The following TMEM260 variants were observed in gnomAD, a reference collection of about 807,000 sequenced individuals.
TMEM260 encodes transmembrane protein 260, also known as protein O-mannosyl-transferase TMEM260.
In TMEM260, 82 loss-of-function variants were observed where a neutral mutation model predicts 88.9. That is an observed-to-expected ratio of 0.92 (90% confidence interval 0.77 to 1.11). The LOEUF (loss-of-function observed/expected upper bound fraction) is 1.11. Ranked by LOEUF, TMEM260 falls within the 50% of genes least tolerant of loss-of-function variation. The pLI is 0.00. For synonymous variants in TMEM260, 314 were observed against 309.3 expected, an observed-to-expected ratio of 1.02 and a Z score of -0.16; for missense variants, 902 against 853.4, an observed-to-expected ratio of 1.06 and a Z score of -0.71.
In TMEM260 at chr14:56,617,269, A is replaced by T. The variant is rs774096305; in HGVS notation, c.1028A>T (p.Asp343Val). 2.5e-6 allele frequency: 4 copies of T among 1,600,246 alleles called. No individual in the cohort carries two copies. The highest frequency in any genetic ancestry group is 3.4e-6 in the Non-Finnish European group (4 of 1,174,854). ...SLFFAWRANL[D>V]ISKPLFMGVV... ...TTCTTTGCTTGGAGAGCAAATTTAGATATTTCAAAACCACTTTTCATGGGT... is the reference window on the plus strand; with the variant it reads ...TTCTTTGCTTGGAGAGCAAATTTAGTTATTTCAAAACCACTTTTCATGGGT... The change falls in exon 9 of 16, where the codon GAT becomes GTT. Residue 343 changes from aspartate to valine, a missense_variant. Transcript: ENST00000261556.
intron 3 of TMEM260, among the ~76,000 whole-genome samples, chr14:56,600,911 CAGT>C (rs1164301516): frequency 6.6e-6 from 1 of 152,166 alleles, no homozygotes; most frequent in African/African-American, 2.4e-5. Context: ...CTATTTTACT[CAGT>C]GGTTTCACAA....
rs369040020 is a variant in TMEM260 at position 56,585,047 on chromosome 14, T to C, written c.192+15T>C. 5.3e-5 allele frequency: 86 copies of C among 1,609,476 alleles called. 1 individual carries two copies. The highest frequency in any genetic ancestry group is 6.7e-5 in the Non-Finnish European group (79 of 1,177,396). On this transcript the variant is annotated intron_variant, in intron 2 of 15. Transcript: ENST00000261556. ...ATGAGCTTGGAGTAAGTATTAGTTT[T>C]ATTGTTTAATCAATGCTCTCATTAA...
At chr14:56,585,065 C>T (rs1037508406) in intron 2 of TMEM260, 33 bp downstream of exon 2, 4 of 1,595,996 alleles carry the variant, frequency 2.5e-6, no homozygotes, top group Non-Finnish European at 3.4e-6. Context: ...AATCAATGCT[C>T]TCATTAACAG....
chr14:56,658,808 G>A, the TMEM260 span, among the ~76,000 whole-genome samples: 94 of 150,348 alleles, frequency 6.3e-4, no homozygotes, highest in African/African-American at 2.3e-3. Context: ...TCAGCTCACC[G>A]CAACCTCCGC....
chr14:56,621,161 G>GCAA (rs144503688), intron 10 of TMEM260, among the ~76,000 whole-genome samples: 10,338 of 152,162 alleles, frequency 0.068, 426 homozygotes, highest in East Asian at 0.16. Context: ...AAGTTCCTTT[G>GCAA]AGTAAATGGA....
At chr14:56,658,971 C>T in the TMEM260 span, among the ~76,000 whole-genome samples, 13 of 152,296 alleles carry the variant, frequency 8.5e-5, no homozygotes, top group South Asian at 2.3e-3. Context: ...CTCAGTTGAT[C>T]CGCCCACCTC....
intron 6 of TMEM260, among the ~76,000 whole-genome samples, chr14:56,609,801 A>G (rs530980644): frequency 6.6e-6 from 1 of 152,332 alleles, no homozygotes; most frequent in South Asian, 2.1e-4. Flanking sequence ...GTGTGCTCCA[A>G]AGAAGTTCAA....
chr14:56,612,143 G>A, intron 6 of TMEM260, 102 bp from the exon 7 acceptor site: 1 of 1,169,070 alleles, frequency 8.6e-7, no homozygotes, highest in East Asian at 2.3e-5. Flanking sequence ...TTAAAAAATT[G>A]TTTTAAGAAA....
chr14:56,600,357 A>G (rs1467341808), intron 3 of TMEM260, among the ~76,000 whole-genome samples: 5 of 152,300 alleles, frequency 3.3e-5, no homozygotes, highest in Non-Finnish European at 2.9e-5. Flanking sequence ...AATGAGAAGT[A>G]TAATAAAGAG....
intron 12 of TMEM260, among the ~76,000 whole-genome samples, chr14:56,627,398 A>T (rs1484645606): frequency 3.3e-5 from 5 of 152,180 alleles, no homozygotes; most frequent in Non-Finnish European, 7.4e-5. Flanking sequence ...TACTATCATA[A>T]AACAATTTCC....
At chr14:56,625,265 T>TTA (rs1269163387) in intron 11 of TMEM260, 117 bp from the exon 12 acceptor site, 103 of 943,290 alleles carry the variant, frequency 1.1e-4, no homozygotes, top group Admixed American at 1.3e-4. Context: ...TATTTTTCAA[T>TTA]TATATATATA....
intron 12 of TMEM260, among the ~76,000 whole-genome samples, chr14:56,626,432 A>G (rs1015546514): frequency 5.3e-5 from 8 of 152,178 alleles, no homozygotes; most frequent in East Asian, 1.9e-4. Flanking sequence ...CTGAATGTCT[A>G]CTATGTTACA....
intron 15 of TMEM260, among the ~76,000 whole-genome samples, chr14:56,645,424 A>G (rs934178642): frequency 1.3e-5 from 2 of 151,970 alleles, no homozygotes; most frequent in African/African-American, 4.8e-5. Context: ...GTTCTCACTC[A>G]TAAGTGGGAA....
rs374818247 is a variant in TMEM260, at chr14:56,602,917, T to G, written c.345-898T>G. On this transcript the variant is annotated intron_variant, in intron 3 of 15. Coordinates refer to ENST00000261556, the MANE Select transcript of TMEM260 (RefSeq NM_017799.4). The stretch of plus-strand genomic sequence containing the variant: ...GTTTGGAGCTATAGAATATGATAAT[T>G]GTTGGACGCAGTAATGCTTGCTGAA... Among the ~76,000 whole-genome samples, 24 of 152,278 alleles carry G rather than the reference T, an allele frequency of 1.6e-4. No individual in the cohort carries two copies. The East Asian group carries it at 4.2e-3, about 27-fold the overall frequency.
At chr14:56,643,209 A>G (rs904841627) in intron 15 of TMEM260, among the ~76,000 whole-genome samples, 2 of 152,202 alleles carry the variant, frequency 1.3e-5, no homozygotes, top group Non-Finnish European at 2.9e-5. Context: ...AGACACAACA[A>G]AAAGAATTTT....
intron 1 of TMEM260, among the ~76,000 whole-genome samples, chr14:56,581,063 T>C (rs1479972229): frequency 6.6e-6 from 1 of 152,184 alleles, no homozygotes; most frequent in African/African-American, 2.4e-5. Flanking sequence ...AAGGCTCAAT[T>C]TGGGGAGAAA....
At chr14:56,631,801 A>T (rs1457920784) in intron 12 of TMEM260, among the ~76,000 whole-genome samples, 2 of 152,138 alleles carry the variant, frequency 1.3e-5, no homozygotes, top group African/African-American at 4.8e-5. Flanking sequence ...CTTTTCGGGA[A>T]GCTGCTGATC....
intron 3 of TMEM260, among the ~76,000 whole-genome samples, chr14:56,591,152 C>T (rs768564708): frequency 3.2e-4 from 49 of 152,144 alleles, no homozygotes; most frequent in Middle Eastern, 6.8e-3. Flanking sequence ...TGTTTCCTGC[C>T]GAGATTTTGC....
the TMEM260 span, among the ~76,000 whole-genome samples, chr14:56,660,230 C>T: frequency 6.6e-6 from 1 of 152,176 alleles, no homozygotes; most frequent in African/African-American, 2.4e-5. Flanking sequence ...AGATATGTAG[C>T]AGCATGCTTG....
Sources: gnomAD v4.1 joint callset for allele counts (sites outside exome capture counted in the v4.1 genomes callset) on GRCh38, gnomAD v4.1.1 for gene constraint, MANE v1.5 for transcripts, NCBI Gene and HGNC (gene_info 2026-07-23, HGNC 2026-07-21) for gene names.